The following CACNA2D1 variants were observed in gnomAD, a reference collection of about 807,000 sequenced individuals.
CACNA2D1 encodes the protein calcium voltage-gated channel auxiliary subunit alpha2delta 1.
Under a neutral mutation model 171.5 loss-of-function variants are expected in CACNA2D1, and 53 were observed. That is an observed-to-expected ratio of 0.31 (90% CI 0.25 to 0.39). The LOEUF is 0.39. Ranked by LOEUF, CACNA2D1 falls within the 10% of genes least tolerant of loss-of-function variation. The pLI is 1.00. For synonymous variants in CACNA2D1, 442 were observed against 443.1 expected (o/e 1.00, Z 0.03); for missense variants, 903 against 1,299.8 (o/e 0.69, Z 4.69).
At chr7:82,079,880 A>T (rs1047455692) in intron 7 of CACNA2D1, among the ~76,000 whole-genome samples, 19 of 152,034 alleles carry the variant, frequency 1.2e-4, no homozygotes, top group Admixed American at 8.5e-4. Context: ...TAATGATGAT[A>T]TATAGACCAT....
At chr7:82,013,112 G>A (rs546024028) in intron 14 of CACNA2D1, among the ~76,000 whole-genome samples, 5 of 152,044 alleles carry the variant, frequency 3.3e-5, no homozygotes, top group African/African-American at 7.2e-5. Context: ...TTTATACACA[G>A]TACCTACAAT....
At chr7:82,324,104 C>T (rs532104607) in intron 3 of CACNA2D1, among the ~76,000 whole-genome samples, 3 of 152,262 alleles carry the variant, frequency 2.0e-5, no homozygotes, top group East Asian at 1.9e-4. Flanking sequence ...CGCCTGTAAT[C>T]CCCGCACTTT....
At chr7:82,074,317 C>T (rs1043846001) in intron 7 of CACNA2D1, among the ~76,000 whole-genome samples, 3 of 152,030 alleles carry the variant, frequency 2.0e-5, no homozygotes, top group African/African-American at 4.8e-5. Flanking sequence ...ACCTTTTCTT[C>T]CCAGGTTGAA....
intron 3 of CACNA2D1, among the ~76,000 whole-genome samples, chr7:82,328,966 A>C (rs1325105826): frequency 6.6e-6 from 1 of 152,050 alleles, no homozygotes; most frequent in African/African-American, 2.4e-5. Flanking sequence ...TCCTTCCTGG[A>C]TCCCCTTCTC....
chr7:82,051,976 G>A (rs563665569), intron 10 of CACNA2D1, among the ~76,000 whole-genome samples: 2 of 152,246 alleles, frequency 1.3e-5, no homozygotes, highest in Non-Finnish European at 1.5e-5. Flanking sequence ...ATGATGCAGC[G>A]TTAGTTCTGA....
chr7:81,994,313 TG>T (rs1013574798), intron 20 of CACNA2D1, among the ~76,000 whole-genome samples: 1 of 152,036 alleles, frequency 6.6e-6, no homozygotes, highest in Non-Finnish European at 1.5e-5. Context: ...CAATTATTTG[TG>T]GGGGTAGTTG....
intron 1 of CACNA2D1, among the ~76,000 whole-genome samples, chr7:82,399,215 G>A (rs536207397): frequency 5.3e-5 from 8 of 152,192 alleles, no homozygotes; most frequent in African/African-American, 1.7e-4. Flanking sequence ...CAAGGTGGGC[G>A]CATCGCCTGA....
At chr7:82,282,432 A>C (rs1432781869) in intron 3 of CACNA2D1, among the ~76,000 whole-genome samples, 1 of 152,184 alleles carries the variant, frequency 6.6e-6, no homozygotes, top group African/African-American at 2.4e-5. Flanking sequence ...TCCAGGGAGA[A>C]AAATCTATGT....
chr7:82,119,226 G>A (rs1370831937), intron 5 of CACNA2D1, among the ~76,000 whole-genome samples: 1 of 152,096 alleles, frequency 6.6e-6, no homozygotes, highest in Non-Finnish European at 1.5e-5. Context: ...TATATCTTCT[G>A]AAGTCTACAG....
chr7:82,035,955 G>A (rs760184411), intron 11 of CACNA2D1, among the ~76,000 whole-genome samples: 2 of 152,016 alleles, frequency 1.3e-5, no homozygotes, highest in Non-Finnish European at 2.9e-5. Flanking sequence ...CTTGGAAATA[G>A]CAGGGCTGCA....
chr7:82,177,066 CTAT>C (rs1796608032), intron 3 of CACNA2D1, among the ~76,000 whole-genome samples: 1 of 23,376 alleles, frequency 4.3e-5, no homozygotes, highest in Admixed American at 8.2e-4. Context: ...CTACAGGTCT[CTAT>C]TTTTTTTTTT....
intron 18 of CACNA2D1, 88 bp from the exon 19 acceptor site, chr7:81,997,338 G>A: frequency 1.2e-6 from 1 of 836,122 alleles, no homozygotes; most frequent in South Asian, 1.3e-5. Flanking sequence ...TTATGAAATT[G>A]TGCAAAAATT....
Position 82,005,465 on chromosome 7 carries a change from A to G in CACNA2D1, c.1548T>C (p.Asp516=). 2 of 1,597,548 alleles carry G rather than the reference A, an allele frequency of 1.3e-6. No individual in the cohort carries two copies. Among genetic ancestry groups the G allele is most frequent in the East Asian group, 2.2e-5 (1 of 44,548 alleles). The part of the protein sequence containing the change: ...LCPNGYYFAI[D]PNGYVLLHPN... ...GATGTAATAAAACATAACCATTAGG[A>G]TCGATTGCAAAGTAATACCCATTGG... The change falls in exon 18 of 39, where the codon GAT becomes GAC. Residue 516 remains aspartate, a synonymous_variant. Transcript: ENST00000356860.
intron 3 of CACNA2D1, among the ~76,000 whole-genome samples, chr7:82,232,030 A>G (rs184199644): frequency 5.5e-4 from 84 of 152,312 alleles, no homozygotes; most frequent in Middle Eastern, 3.4e-3. Context: ...GACCACAGAA[A>G]GATTTTTACT....
intron 6 of CACNA2D1, among the ~76,000 whole-genome samples, chr7:82,089,460 T>C (rs1049468027): frequency 2.0e-5 from 3 of 152,160 alleles, no homozygotes; most frequent in African/African-American, 7.2e-5. Flanking sequence ...CTAAAAGCAG[T>C]GAATGCTTGG....
chr7:82,432,846 G>A (rs1829812692), intron 1 of CACNA2D1, among the ~76,000 whole-genome samples: 1 of 152,126 alleles, frequency 6.6e-6, no homozygotes, highest in Non-Finnish European at 1.5e-5. Context: ...CTTTTTCAAT[G>A]ATATTACTGG....
intron 2 of CACNA2D1, among the ~76,000 whole-genome samples, chr7:82,343,629 ACTCT>A (rs1818928377): frequency 1.3e-5 from 2 of 151,852 alleles, no homozygotes; most frequent in African/African-American, 4.8e-5. Context: ...AATAACAGAA[ACTCT>A]CTACCTGTTT....
chr7:81,995,786 G>A (rs1469809182), intron 19 of CACNA2D1, among the ~76,000 whole-genome samples: 5 of 129,260 alleles, frequency 3.9e-5, no homozygotes, highest in Non-Finnish European at 6.3e-5. Flanking sequence ...GCGACAGAGC[G>A]AGACTCCACC....
chr7:82,227,203 A>G (rs1802455797), intron 3 of CACNA2D1, among the ~76,000 whole-genome samples: 1 of 152,198 alleles, frequency 6.6e-6, no homozygotes, highest in East Asian at 1.9e-4. Flanking sequence ...TGAGTTCAGG[A>G]ATTTCAGTCT....
Sources: gnomAD v4.1 joint callset for allele counts (sites outside exome capture counted in the v4.1 genomes callset) on GRCh38, gnomAD v4.1.1 for gene constraint, MANE v1.5 for transcripts, NCBI Gene and HGNC (gene_info 2026-07-23, HGNC 2026-07-21) for gene names.